Variants in MYRFL observed in about 807,000 individuals in gnomAD.
MYRFL encodes the protein myelin regulatory factor-like protein.
Under a neutral mutation model 109.4 loss-of-function variants are expected in MYRFL, and 88 were observed. That is an observed-to-expected ratio of 0.80 (90% CI 0.68 to 0.96). The LOEUF is 0.96. Among genes scored for constraint, MYRFL ranks in the 40% least tolerant of loss-of-function variants. The pLI, the probability that MYRFL is intolerant of heterozygous loss-of-function variation, is 0.00. For synonymous variants in MYRFL, 324 were observed against 320.9 expected (o/e 1.01, Z -0.10); for missense variants, 957 against 954.9 (o/e 1.00, Z -0.03).
chr12:69,879,061 T>G lies in MYRFL; in HGVS notation c.171T>G (p.Ser57=), dbSNP rs1234772241. The G allele has an allele frequency of 1.4e-6, 1 of 703,004 alleles. No individual in the cohort carries two copies. Among genetic ancestry groups the G allele is most frequent in the Admixed American group, 2.0e-5 (1 of 50,010 alleles). 43.5% of individuals were successfully genotyped at this position (703,004 alleles called of 1,614,324 possible). The change falls in exon 3 of 25, where the codon TCT becomes TCG. Residue 57 remains serine (S), a synonymous_variant. Coordinates refer to ENST00000552032, the MANE Select transcript of MYRFL (RefSeq NM_182530.3). ...AGCTCCCAGACACCCCGCCCTATTC[T>G]GCATCCGACTCATGCTCTCCTCCGC... ...QRQLPDTPPY[S]ASDSCSPPQV...
chr12:69,848,457 TTA>T lies in MYRFL; in HGVS notation c.47-6822_47-6821del, dbSNP rs148026397. Among the ~76,000 whole-genome samples, 857 of 152,246 alleles carry T rather than the reference TTA, an allele frequency of 5.6e-3. 9 individuals are homozygous for T. The highest frequency in any genetic ancestry group is 0.047 in the East Asian group (245 of 5,192). ...ATCTTCTCTTCATTCTATCAGAATT[TTA>T]GAGTTTCTTCTTTTGATTTAATTTT... On this transcript the variant is annotated intron_variant, in intron 1 of 24. Coordinates refer to ENST00000552032, the MANE Select transcript of MYRFL (RefSeq NM_182530.3).
chr12:69,893,436 C>T (rs11177935), intron 7 of MYRFL, among the ~76,000 whole-genome samples: 48,248 of 151,996 alleles, frequency 0.32, 7,953 homozygotes, highest in African/African-American at 0.36. Flanking sequence ...TCCATAAGTA[C>T]TTCTAGAATG....
At chr12:69,885,529 C>T (rs1362294872) in intron 5 of MYRFL, among the ~76,000 whole-genome samples, 3 of 152,138 alleles carry the variant, frequency 2.0e-5, no homozygotes, top group African/African-American at 7.2e-5. Context: ...GAGAGCCGCA[C>T]CTGGTCTCAC....
chr12:69,855,844 A>G (rs1199892145), intron 2 of MYRFL, among the ~76,000 whole-genome samples: 2 of 151,552 alleles, frequency 1.3e-5, no homozygotes, highest in East Asian at 3.9e-4. Context: ...CTCTCAAAGT[A>G]CCAGCTTTTG....
chr12:69,957,861 C>T lies in MYRFL; in HGVS notation c.2490C>T (p.Thr830=), dbSNP rs1158476787. 18 of 1,534,368 alleles carry T rather than the reference C, an allele frequency of 1.2e-5. No homozygotes were observed. The highest frequency in any genetic ancestry group is 1.4e-5 in the Non-Finnish European group (16 of 1,145,698). The stretch of plus-strand genomic sequence containing the variant: ...TGATAGTCTTCCAGTGCAAATTCAC[C>T]CTTGGAAATATATGTTTCCATAGTA... ...EPLIVFQCKF[T]LGNICFHSKR... Residue 830 remains threonine, a synonymous_variant, in exon 23 of 25, where the codon ACC becomes ACT. Transcript: ENST00000552032.
chr12:69,842,978 T>C (rs1280751456), intron 1 of MYRFL, among the ~76,000 whole-genome samples: 1 of 152,236 alleles, frequency 6.6e-6, no homozygotes, highest in African/African-American at 2.4e-5. Flanking sequence ...AATGTGTAAG[T>C]AAATGAATAA....
chr12:69,922,453 T>G (rs762906535), intron 13 of MYRFL, among the ~76,000 whole-genome samples: 5 of 152,190 alleles, frequency 3.3e-5, no homozygotes, highest in Non-Finnish European at 7.3e-5. Context: ...ACACTTTTAA[T>G]GAAAAATTTC....
chr12:69,850,433 A>G (rs1267213167), intron 1 of MYRFL, among the ~76,000 whole-genome samples: 1 of 152,028 alleles, frequency 6.6e-6, no homozygotes, highest in African/African-American at 2.4e-5. Context: ...AACTAAAGGA[A>G]TTACAGAATT....
chr12:69,891,616 T>TTTTG (rs1886841780), intron 7 of MYRFL, among the ~76,000 whole-genome samples: 1 of 117,744 alleles, frequency 8.5e-6, no homozygotes, highest in African/African-American at 4.1e-5. Flanking sequence ...TCTTTCTTTC[T>TTTTG]TTCTTTCCTC....
At chr12:69,889,691 T>TA (rs906577146) in intron 6 of MYRFL, among the ~76,000 whole-genome samples, 37 of 152,012 alleles carry the variant, frequency 2.4e-4, no homozygotes, top group African/African-American at 8.4e-4. Context: ...CCATCTTTAC[T>TA]AAAAAAATAC....
chr12:69,945,026 AT>A (rs1323962640), intron 19 of MYRFL, among the ~76,000 whole-genome samples: 2 of 152,178 alleles, frequency 1.3e-5, no homozygotes, highest in Admixed American at 1.3e-4. Flanking sequence ...GTGAAAAAAA[AT>A]TAAAATAAAG....
intron 22 of MYRFL, among the ~76,000 whole-genome samples, chr12:69,956,397 ACT>A (rs1279788622): frequency 2.6e-5 from 4 of 151,882 alleles, no homozygotes; most frequent in Non-Finnish European, 5.9e-5. Context: ...AAATCACAAA[ACT>A]CTAACTTAAC....
intron 1 of MYRFL, among the ~76,000 whole-genome samples, chr12:69,854,083 G>T (rs1310940915): frequency 6.6e-6 from 1 of 152,194 alleles, no homozygotes; most frequent in Non-Finnish European, 1.5e-5. Flanking sequence ...GTGAGACTTC[G>T]TCTGCAATCC....
chr12:69,940,296 CAGAG>C, intron 19 of MYRFL, among the ~76,000 whole-genome samples: 1 of 150,618 alleles, frequency 6.6e-6, no homozygotes, highest in East Asian at 2.0e-4. Flanking sequence ...TAAGGGCAGC[CAGAG>C]AGAAAGGTCG....
chr12:69,880,775 A>G (rs1174007458), intron 5 of MYRFL, among the ~76,000 whole-genome samples: 3 of 152,172 alleles, frequency 2.0e-5, no homozygotes, highest in African/African-American at 7.2e-5. Flanking sequence ...GGCTCATGGA[A>G]GGCACTCTGA....
chr12:69,854,861 A>C (rs1166232686), intron 1 of MYRFL, among the ~76,000 whole-genome samples: 1 of 152,212 alleles, frequency 6.6e-6, no homozygotes, highest in Non-Finnish European at 1.5e-5. Flanking sequence ...GTTATCTGCA[A>C]ATAAAAACAG....
chr12:69,845,085 G>T (rs999041092), intron 1 of MYRFL, among the ~76,000 whole-genome samples: 2 of 152,150 alleles, frequency 1.3e-5, no homozygotes, highest in South Asian at 2.1e-4. Flanking sequence ...GCTCCCTCCT[G>T]AGAGAGGCAT....
At chr12:69,890,123 C>A (rs1231431836) in intron 6 of MYRFL, among the ~76,000 whole-genome samples, 1 of 152,158 alleles carries the variant, frequency 6.6e-6, no homozygotes, top group African/African-American at 2.4e-5. Flanking sequence ...GATTGTATAA[C>A]TGGCTCTGGT....
intron 22 of MYRFL, 130 bp from the exon 23 acceptor site, chr12:69,957,692 A>AT (rs1223168941): frequency 1.8e-6 from 2 of 1,122,544 alleles, no homozygotes; most frequent in African/African-American, 3.1e-5. Context: ...GTGTGATACA[A>AT]TGCCTATTGT....
Sources: allele counts gnomAD v4.1 joint callset (sites outside exome capture counted in the v4.1 genomes callset), GRCh38; gene constraint gnomAD v4.1.1; transcripts MANE v1.5; gene names NCBI Gene and HGNC (gene_info 2026-07-23, HGNC 2026-07-21).